BRINP2: variants seen among roughly 807,000 people sequenced by gnomAD.
BRINP2 encodes the protein BMP/retinoic acid inducible neural specific 2.
BRINP2 carries 21 observed loss-of-function variants against 69.2 expected under a neutral mutation model. That is an observed-to-expected ratio of 0.30 (90% CI 0.22 to 0.44). The LOEUF (loss-of-function observed/expected upper bound fraction) is 0.44. BRINP2 is among the 20% of genes least tolerant of loss of function. BRINP2 has a pLI of 1.00. For synonymous variants in BRINP2, 380 were observed against 394.1 expected (o/e 0.96, Z 0.42); for missense variants, 877 against 986.0 (o/e 0.89, Z 1.48).
At chr1:177,247,178 A>T (rs1391486642) in intron 2 of BRINP2, among the ~76,000 whole-genome samples, 1 of 152,214 alleles carries the variant, frequency 6.6e-6, no homozygotes, top group African/African-American at 2.4e-5. Flanking sequence ...GATGTGAGGT[A>T]TATTGGTAGA....
At chr1:177,195,086 G>T (rs750773899) in intron 1 of BRINP2, among the ~76,000 whole-genome samples, 11 of 152,208 alleles carry the variant, frequency 7.2e-5, no homozygotes, top group Admixed American at 2.6e-4. Flanking sequence ...AAAGCTCACA[G>T]CCCAGAGTTT....
chr1:177,258,026 G>A (rs890083503), intron 4 of BRINP2, among the ~76,000 whole-genome samples: 7 of 152,204 alleles, frequency 4.6e-5, no homozygotes, highest in African/African-American at 1.7e-4. Flanking sequence ...TGTGCCATGA[G>A]AAGGAATTTT....
chr1:177,261,265 G>A (rs1650939036), intron 4 of BRINP2, among the ~76,000 whole-genome samples: 1 of 152,134 alleles, frequency 6.6e-6, no homozygotes. Context: ...GAAGTAGAAA[G>A]AAAGGGGGAT....
At chr1:177,239,968 C>A (rs1400676200) in intron 2 of BRINP2, among the ~76,000 whole-genome samples, 1 of 152,196 alleles carries the variant, frequency 6.6e-6, no homozygotes, top group East Asian at 1.9e-4. Context: ...TCCTCCTCTG[C>A]AAAGAGCAAA....
rs140006840 is a variant in BRINP2, at chr1:177,280,791, G to A, written c.1615G>A (p.Gly539Ser). The A allele has an allele frequency of 5.0e-6, 8 of 1,614,000 alleles. No homozygotes were observed. The African/African-American group carries it at 8.0e-5, about 16-fold the overall frequency. ...CTTCATCAGCAATGACATGCGGCTG[G>A]GCAGCTGGTTTGACCCTTCCTGGAG... Reference protein sequence around the residue: ...SIFISNDMRLGSWFDPSWRKR... With the variant: ...SIFISNDMRLSSWFDPSWRKR... The change falls in exon 8 of 8, where the codon GGC becomes AGC. Residue 539 changes from glycine to serine, a missense_variant. Gly to Ser is a moderately conservative substitution (Grantham distance 56, BLOSUM62 0). This residue lies in a region of BRINP2 where 86 missense variants were observed against 142.1 expected (regional missense o/e 0.61). Coordinates refer to ENST00000361539, the MANE Select transcript of BRINP2 (RefSeq NM_021165.4).
intron 4 of BRINP2, among the ~76,000 whole-genome samples, chr1:177,258,044 G>A (rs1019823863): frequency 2.0e-5 from 3 of 152,190 alleles, no homozygotes; most frequent in African/African-American, 7.2e-5. Context: ...TTTAATATAA[G>A]TGAAAGTGCA....
At chr1:177,172,540 C>T (rs552109713) in intron 1 of BRINP2, among the ~76,000 whole-genome samples, 40 of 152,286 alleles carry the variant, frequency 2.6e-4, no homozygotes, top group African/African-American at 8.7e-4. Context: ...GTCCAAATCA[C>T]GGATGCCTGG....
intron 1 of BRINP2, among the ~76,000 whole-genome samples, chr1:177,222,246 C>T (rs957417316): frequency 7.5e-6 from 1 of 133,882 alleles, no homozygotes; most frequent in Admixed American, 7.2e-5. Flanking sequence ...CTAATAACCC[C>T]TGTTGGAGCA....
chr1:177,249,897 G>C (rs956568846), intron 2 of BRINP2, among the ~76,000 whole-genome samples: 1 of 152,140 alleles, frequency 6.6e-6, no homozygotes, highest in Non-Finnish European at 1.5e-5. Flanking sequence ...TATTATTTTG[G>C]TTCCATGAAG....
intron 2 of BRINP2, among the ~76,000 whole-genome samples, chr1:177,242,123 T>C (rs992935653): frequency 1.3e-5 from 2 of 152,316 alleles, no homozygotes; most frequent in East Asian, 3.9e-4. Flanking sequence ...GCCTCTTCTC[T>C]ATTCTCTCCC....
At chr1:177,182,898 T>C (rs1340394196) in intron 1 of BRINP2, among the ~76,000 whole-genome samples, 1 of 152,234 alleles carries the variant, frequency 6.6e-6, no homozygotes, top group Non-Finnish European at 1.5e-5. Flanking sequence ...TGTAGAATGC[T>C]CCATAAATGA....
chr1:177,235,981 G>C (rs1034722959), intron 2 of BRINP2, among the ~76,000 whole-genome samples: 7 of 152,196 alleles, frequency 4.6e-5, no homozygotes. Flanking sequence ...CGTGGAAGGA[G>C]ATGAAGGAAC....
intron 2 of BRINP2, among the ~76,000 whole-genome samples, chr1:177,236,180 C>A (rs1650016790): frequency 6.6e-6 from 1 of 152,160 alleles, no homozygotes; most frequent in South Asian, 2.1e-4. Context: ...CACACAGGTC[C>A]TGTAACATAA....
chr1:177,229,491 A>G (rs1251225064), intron 1 of BRINP2, among the ~76,000 whole-genome samples: 3 of 152,230 alleles, frequency 2.0e-5, no homozygotes, highest in Admixed American at 6.5e-5. Flanking sequence ...AAGGGTTAAG[A>G]GTCAGATCCC....
intron 2 of BRINP2, among the ~76,000 whole-genome samples, chr1:177,252,562 C>T (rs897872988): frequency 1.3e-5 from 2 of 152,142 alleles, no homozygotes; most frequent in African/African-American, 4.8e-5. Context: ...AAACATCTAT[C>T]ATTTCTTTGT....
intron 1 of BRINP2, among the ~76,000 whole-genome samples, chr1:177,199,860 C>A (rs1648850937): frequency 6.6e-6 from 1 of 152,100 alleles, no homozygotes; most frequent in Non-Finnish European, 1.5e-5. Context: ...GCTCTATGTG[C>A]AAAATATGTA....
rs147698296 is a variant in BRINP2, at chr1:177,229,909, G to A, written c.33G>A (p.Gly11=). 1 of 1,605,910 alleles carries A rather than the reference G, an allele frequency of 6.2e-7. No individual in the cohort carries two copies. The highest frequency in any genetic ancestry group is 2.2e-5 in the East Asian group (1 of 44,666). The part of the protein sequence containing the change: MRWQCGTRFR[G]LRPAVAPWTA... ...GGCAGTGTGGCACTCGGTTTAGAGG[G>A]CTTCGGCCGGCGGTGGCCCCATGGA... Residue 11 remains glycine, a synonymous_variant, in exon 2 of 8, where the codon GGG becomes GGA. Transcript: ENST00000361539.
intron 4 of BRINP2, among the ~76,000 whole-genome samples, chr1:177,258,804 A>T (rs964716613): frequency 2.6e-5 from 4 of 152,220 alleles, no homozygotes; most frequent in Admixed American, 6.5e-5. Context: ...TTGCACCCAT[A>T]TGTGATAACA....
In BRINP2 at chr1:177,280,508, C is replaced by T. The variant is rs1301626868; in HGVS notation, c.1332C>T (p.Thr444=). 6.2e-7 allele frequency: 1 copy of T among 1,614,252 alleles called. No homozygotes were observed. Among genetic ancestry groups the T allele is most frequent in the South Asian group, 1.1e-5 (1 of 91,088 alleles). ...GTFLEQSHSC[T]CPYDQSSCQG... is the part of the protein sequence containing the mutation. ...TCCTGGAACAGAGCCACAGCTGCACCTGCCCCTATGACCAATCTTCCTGCC... is the reference window on the plus strand; with the variant it reads ...TCCTGGAACAGAGCCACAGCTGCACTTGCCCCTATGACCAATCTTCCTGCC... The change falls in exon 8 of 8, where the codon ACC becomes ACT. Residue 444 remains threonine, a synonymous_variant. Coordinates refer to ENST00000361539, the MANE Select transcript of BRINP2 (RefSeq NM_021165.4).
Sources: gnomAD v4.1 joint callset for allele counts (sites outside exome capture counted in the v4.1 genomes callset) on GRCh38, gnomAD v4.1.1 for gene constraint, gnomAD v4.1.1 regional missense constraint, MANE v1.5 for transcripts, NCBI Gene and HGNC (gene_info 2026-07-23, HGNC 2026-07-21) for gene names.